The following WBP2NL variants were observed in gnomAD, a reference collection of about 807,000 sequenced individuals.
WBP2NL encodes WBP2 N-terminal like.
Under a neutral mutation model 23.3 loss-of-function variants are expected in WBP2NL, and 27 were observed. That is an observed-to-expected ratio of 1.16 (90% CI 0.85 to 1.60). The LOEUF is 1.60. Among genes scored for constraint, WBP2NL ranks in the 40% most tolerant of loss-of-function variants. WBP2NL has a pLI of 0.00. For synonymous variants in WBP2NL, 151 were observed against 145.9 expected (o/e 1.03, Z -0.25); for missense variants, 370 against 389.5 (o/e 0.95, Z 0.42).
intron 4 of WBP2NL, among the ~76,000 whole-genome samples, chr22:42,021,533 A>T (rs1304572793): frequency 6.6e-6 from 1 of 152,214 alleles, no homozygotes; most frequent in Non-Finnish European, 1.5e-5. Flanking sequence ...AAATGCCATC[A>T]CAAGTGTTCT....
At chr22:42,020,193 G>A (rs1295500188) in intron 4 of WBP2NL, 97 bp downstream of exon 4, 1 of 1,240,112 alleles carries the variant, frequency 8.1e-7, no homozygotes, top group Non-Finnish European at 1.1e-6. Flanking sequence ...TTGTTTTGTT[G>A]TTTTTGAGAC....
chr22:42,017,293 T>A (rs1259119154), intron 1 of WBP2NL, among the ~76,000 whole-genome samples: 4 of 152,182 alleles, frequency 2.6e-5, no homozygotes, highest in Admixed American at 6.5e-5. Flanking sequence ...TTTTTGTATT[T>A]TAGTAGAGAT....
chr22:42,047,462 T>C (rs979902866), intron 8 of WBP2NL, among the ~76,000 whole-genome samples: 1 of 150,868 alleles, frequency 6.6e-6, no homozygotes, highest in African/African-American at 2.4e-5. Flanking sequence ...TTGTGTCGGG[T>C]GCCTGTAATC....
Position 42,048,765 on chromosome 22 carries a change from AAAAAG to A in WBP2NL, c.*274-9515_*274-9511del, listed in dbSNP as rs1438335235. 4.7e-4 allele frequency among the ~76,000 whole-genome samples: 58 copies of A among 124,180 alleles called. 1 individual carries two copies. The Middle Eastern group carries it at 0.019, about 41-fold the overall frequency. 81.5% of individuals were successfully genotyped at this position (124,180 alleles called of 152,430 possible). A position where few individuals can be genotyped will look rare whatever the true frequency, so the allele number is the denominator to read the frequency against. ...AGCGAGACTCGGTCTCAAAAAAAAA[AAAAAG>A]AAAAGAAAAAAAAGAAACCCTCAGC... On this transcript the variant is annotated intron_variant and NMD_transcript_variant, in intron 8 of 8. Transcript: ENST00000436265.
intron 1 of WBP2NL, chr22:42,001,841 G>T: frequency 1.5e-6 from 2 of 1,347,190 alleles, no homozygotes; most frequent in Non-Finnish European, 2.0e-6. Flanking sequence ...TGATCTGCTT[G>T]CTGGCATGCT....
chr22:42,009,570 AT>A (rs1234368570), intron 1 of WBP2NL, among the ~76,000 whole-genome samples: 2 of 152,140 alleles, frequency 1.3e-5, no homozygotes, highest in African/African-American at 4.8e-5. Flanking sequence ...TGTTAAATAG[AT>A]TGTCTTTTCC....
chr22:42,025,831 T>G (rs73885900), intron 5 of WBP2NL, among the ~76,000 whole-genome samples: 3,619 of 152,304 alleles, frequency 0.024, 157 homozygotes, highest in African/African-American at 0.083. Context: ...AAACTCATGT[T>G]TATTGTAAGG....
chr22:42,034,050 A>C (rs1427502856), downstream of WBP2NL, among the ~76,000 whole-genome samples: 1 of 152,206 alleles, frequency 6.6e-6, no homozygotes, highest in African/African-American at 2.4e-5. Context: ...TGCCAAGCCA[A>C]GCTGCCCTCA....
intron 8 of WBP2NL, among the ~76,000 whole-genome samples, chr22:42,049,607 A>G (rs769451885): frequency 1.3e-5 from 2 of 149,146 alleles, no homozygotes; most frequent in South Asian, 2.1e-4. Flanking sequence ...GGAGAATGGC[A>G]TGAACCCAGG....
chr22:42,024,575 C>A (rs2146797421), intron 5 of WBP2NL, among the ~76,000 whole-genome samples: 1 of 151,950 alleles, frequency 6.6e-6, no homozygotes, highest in African/African-American at 2.4e-5. Context: ...TTTTAATTTG[C>A]ATTTCCTTAA....
rs576856913 is a variant in WBP2NL at position 42,039,696 on chromosome 22, T to A, written c.*273+8873T>A. ...TTTCTGTGTCATCCATTGTAATGTC[T>A]CCTCTCTTATTTATGATTTTATTTA... On this transcript the variant is annotated intron_variant and NMD_transcript_variant, in intron 8 of 8. Coordinates refer to the WBP2NL transcript ENST00000436265. 2.0e-5 allele frequency among the ~76,000 whole-genome samples: 3 copies of A among 152,280 alleles called. No individual in the cohort carries two copies. In the South Asian group the frequency reaches 6.2e-4, roughly 32 times the overall value.
chr22:41,999,385 A>C (rs1921335934), intron 1 of WBP2NL, among the ~76,000 whole-genome samples: 1 of 152,170 alleles, frequency 6.6e-6, no homozygotes, highest in South Asian at 2.1e-4. Context: ...CATTCTGGAA[A>C]GATCTCAAAC....
chr22:42,040,343 C>T (rs1367301666), intron 8 of WBP2NL, among the ~76,000 whole-genome samples: 1 of 152,096 alleles, frequency 6.6e-6, no homozygotes, highest in African/African-American at 2.4e-5. Flanking sequence ...CTGCCTCAGC[C>T]TCCTGAGTAG....
At chr22:42,003,112 C>G (rs1017920288) in intron 1 of WBP2NL, 1 of 151,628 alleles carries the variant, frequency 6.6e-6, no homozygotes, top group African/African-American at 2.4e-5. Context: ...GAACAGAGAT[C>G]ACGCCATTGC....
At chr22:42,043,305 G>A (rs1326196764) in intron 8 of WBP2NL, among the ~76,000 whole-genome samples, 3 of 152,180 alleles carry the variant, frequency 2.0e-5, no homozygotes, top group Non-Finnish European at 4.4e-5. Context: ...TGGCTGCAAG[G>A]GCTGTTGAAG....
chr22:42,042,970 TAGG>T lies in WBP2NL; in HGVS notation c.*273+12152_*273+12154del, dbSNP rs1421620959. On this transcript the variant is annotated intron_variant and NMD_transcript_variant, in intron 8 of 8. Transcript: ENST00000436265. ...GTCCCAGCTACTCAGGAGGCTAAGG[TAGG>T]AGGATCCCTTGAGCCCAGGAGACAG... is the stretch of plus-strand genomic sequence containing the variant. Among the ~76,000 whole-genome samples, 6 of 127,900 alleles carry T rather than the reference TAGG, an allele frequency of 4.7e-5. No homozygotes were observed. The East Asian group carries it at 1.3e-3, about 28-fold the overall frequency. The allele number at this position is 127,900 out of a possible 152,430, so 83.9% of individuals were successfully genotyped here. A position where few individuals can be genotyped will look rare whatever the true frequency, so the allele number is the denominator to read the frequency against.
intron 1 of WBP2NL, among the ~76,000 whole-genome samples, chr22:42,008,728 C>T (rs1949579501): frequency 6.6e-6 from 1 of 152,156 alleles, no homozygotes; most frequent in South Asian, 2.1e-4. Flanking sequence ...CTGCCTCAGC[C>T]TCCTGAGTAG....
intron 1 of WBP2NL, among the ~76,000 whole-genome samples, chr22:42,009,862 G>A (rs1030458914): frequency 6.6e-6 from 1 of 152,136 alleles, no homozygotes; most frequent in South Asian, 2.1e-4. Context: ...TTGAGATTTG[G>A]TAGGGATTGT....
At chr22:42,010,053 C>T (rs771866413) in intron 1 of WBP2NL, among the ~76,000 whole-genome samples, 1 of 152,100 alleles carries the variant, frequency 6.6e-6, no homozygotes, top group African/African-American at 2.4e-5. Flanking sequence ...GTATTTTATT[C>T]TTTTTGATGC....
Sources: allele counts gnomAD v4.1 joint callset (sites outside exome capture counted in the v4.1 genomes callset), GRCh38; gene constraint gnomAD v4.1.1; transcripts MANE v1.5; gene names NCBI Gene and HGNC (gene_info 2026-07-23, HGNC 2026-07-21).